RIPOR2: variants seen among roughly 807,000 people sequenced by gnomAD.
RIPOR2 encodes RHO family interacting cell polarization regulator 2.
In RIPOR2, 39 loss-of-function variants were observed where a neutral mutation model predicts 114.5. The ratio of observed to expected loss-of-function variants is 0.34; its 90% CI spans 0.26 to 0.44. The LOEUF is 0.44. Ranked by LOEUF, RIPOR2 falls within the 20% of genes least tolerant of loss-of-function variation. The probability of loss-of-function intolerance (pLI) is 1.00; values close to 1 mark genes in which losing one functional copy is unlikely to be tolerated. For missense variants in RIPOR2, 1,007 were observed against 1,255.1 expected (o/e 0.80, Z 2.99); for synonymous variants, 445 against 484.4 (o/e 0.92, Z 1.07).
intron 1 of RIPOR2, among the ~76,000 whole-genome samples, chr6:24,927,425 CATT>C (rs1771036746): frequency 6.6e-6 from 1 of 151,140 alleles, no homozygotes; most frequent in Non-Finnish European, 1.5e-5. Context: ...CTATCACCAC[CATT>C]ATCACCACCA....
chr6:24,831,002 C>T (rs539182895), intron 16 of RIPOR2, among the ~76,000 whole-genome samples: 2 of 152,144 alleles, frequency 1.3e-5, no homozygotes, highest in South Asian at 2.1e-4. Context: ...AAGCGTGAGC[C>T]ACCACGCCTG....
chr6:24,881,928 T>C (rs1766390768), intron 1 of RIPOR2, among the ~76,000 whole-genome samples: 1 of 152,128 alleles, frequency 6.6e-6, no homozygotes, highest in African/African-American at 2.4e-5. Context: ...GGACCAGAAA[T>C]AAAGGGTGGA....
At chr6:24,838,709 G>A (rs1031683205) in intron 14 of RIPOR2, among the ~76,000 whole-genome samples, 7 of 152,112 alleles carry the variant, frequency 4.6e-5, no homozygotes, top group East Asian at 3.9e-4. Flanking sequence ...CAGGAGAATC[G>A]CTTGAACCTG....
At chr6:24,839,294 G>A in intron 13 of RIPOR2, 22 bp from the exon 14 acceptor site, 11 of 1,543,334 alleles carry the variant, frequency 7.1e-6, no homozygotes, top group Non-Finnish European at 9.6e-6. Context: ...GAAGGCACCA[G>A]GGAGAACATC....
chr6:24,838,649 C>T (rs1344497288), intron 14 of RIPOR2, among the ~76,000 whole-genome samples: 1 of 152,086 alleles, frequency 6.6e-6, no homozygotes, highest in Non-Finnish European at 1.5e-5. Flanking sequence ...CAAAAATTAG[C>T]CAGGTGTGGT....
intron 13 of RIPOR2, chr6:24,839,906 C>T: frequency 9.2e-7 from 1 of 1,083,866 alleles, no homozygotes; most frequent in Non-Finnish European, 1.1e-6. Flanking sequence ...TTCACCTAGC[C>T]CATGTTCCCT....
intron 8 of RIPOR2, among the ~76,000 whole-genome samples, chr6:24,859,855 G>A (rs1424628317): frequency 6.6e-5 from 10 of 152,178 alleles, no homozygotes; most frequent in Admixed American, 6.5e-4. Context: ...GAAAGAAGGT[G>A]ATTAAATCCC....
chr6:24,825,440 G>T lies in RIPOR2; in HGVS notation c.2666-12C>A, dbSNP rs370450816. 5 of 1,537,888 alleles carry T rather than the reference G, an allele frequency of 3.3e-6. No individual in the cohort carries two copies. The African/African-American group carries it at 5.5e-5, about 17-fold the overall frequency. Reference sequence around the variant, plus strand: ...CTGAACCATGGAAACTGGAGGGTAAGAAGGAAGGAGATTTCATGTTCTGAC... The same window carrying T: ...CTGAACCATGGAAACTGGAGGGTAATAAGGAAGGAGATTTCATGTTCTGAC... On this transcript the variant is annotated splice_polypyrimidine_tract_variant and intron_variant, in intron 18 of 21. Coordinates refer to ENST00000643898, the MANE Select transcript of RIPOR2 (RefSeq NM_001286445.3).
intron 5 of RIPOR2, among the ~76,000 whole-genome samples, chr6:24,870,118 C>A (rs965818383): frequency 6.6e-6 from 1 of 152,104 alleles, no homozygotes; most frequent in East Asian, 1.9e-4. Context: ...TTCTTGATAA[C>A]TATAAAATGC....
chr6:25,015,071 A>G (rs1775910207), intron 1 of RIPOR2: 1 of 152,196 alleles, frequency 6.6e-6, no homozygotes, highest in African/African-American at 2.4e-5. Context: ...TGCCACATTT[A>G]TACTTGGTCC....
At chr6:24,974,934 G>T (rs537586870) in intron 1 of RIPOR2, among the ~76,000 whole-genome samples, 3 of 152,342 alleles carry the variant, frequency 2.0e-5, no homozygotes, top group African/African-American at 7.2e-5. Context: ...AAAATGTAAA[G>T]AATAAGCTAA....
intron 6 of RIPOR2, among the ~76,000 whole-genome samples, chr6:24,868,090 G>A (rs1764803975): frequency 6.6e-6 from 1 of 152,164 alleles, no homozygotes; most frequent in Admixed American, 6.5e-5. Flanking sequence ...AGAAATAGGA[G>A]CAATTTCAGA....
chr6:24,873,875 TTTAC>T (rs1765454269), intron 2 of RIPOR2, 76 bp from the exon 3 acceptor site: 8 of 1,266,616 alleles, frequency 6.3e-6, no homozygotes, highest in Admixed American at 4.6e-5. Flanking sequence ...TCTTCTATTA[TTTAC>T]TTGTTTGTTT....
chr6:24,852,429 C>T, intron 9 of RIPOR2, 146 bp downstream of exon 9: 1 of 670,760 alleles, frequency 1.5e-6, no homozygotes, highest in Non-Finnish European at 2.6e-6. Flanking sequence ...GTACCAGTTT[C>T]CAGACTTTCT....
intron 1 of RIPOR2, among the ~76,000 whole-genome samples, chr6:24,965,055 A>AT: frequency 6.6e-6 from 1 of 151,676 alleles, no homozygotes; most frequent in East Asian, 1.9e-4. Context: ...GTCATCTTTT[A>AT]TTTTTTACTC....
chr6:24,936,356 G>A (rs1771808823), upstream of RIPOR2, among the ~76,000 whole-genome samples: 1 of 152,188 alleles, frequency 6.6e-6, no homozygotes, highest in South Asian at 2.1e-4. Flanking sequence ...AGTAAAGCAA[G>A]CCACTATGTT....
chr6:24,834,055 A>G (rs566948353), intron 15 of RIPOR2, among the ~76,000 whole-genome samples: 1 of 152,300 alleles, frequency 6.6e-6, no homozygotes, highest in Non-Finnish European at 1.5e-5. Flanking sequence ...ATAGTCATAC[A>G]TAAATAAAAA....
chr6:24,838,132 A>G (rs76208707), intron 14 of RIPOR2, among the ~76,000 whole-genome samples: 2 of 152,186 alleles, frequency 1.3e-5, no homozygotes, highest in Non-Finnish European at 2.9e-5. Context: ...TGAAGGTGAC[A>G]ATGTTTCACC....
intron 2 of RIPOR2, 87 bp downstream of exon 2, chr6:24,875,604 G>A: frequency 7.4e-7 from 1 of 1,345,774 alleles, no homozygotes. Flanking sequence ...GGTTTGACAA[G>A]GCTGAATGCA....
Sources: gnomAD v4.1 joint callset for allele counts (sites outside exome capture counted in the v4.1 genomes callset) on GRCh38, gnomAD v4.1.1 for gene constraint, MANE v1.5 for transcripts, NCBI Gene and HGNC (gene_info 2026-07-23, HGNC 2026-07-21) for gene names.